SLC35F3: variants seen among roughly 807,000 people sequenced by gnomAD.
SLC35F3 encodes putative thiamine transporter SLC35F3.
Under a neutral mutation model 49.9 loss-of-function variants are expected in SLC35F3, and 25 were observed. That is an observed-to-expected ratio of 0.50 (90% CI 0.37 to 0.70). The LOEUF is 0.70. SLC35F3 is among the 30% of genes least tolerant of loss of function. The pLI is 0.00. For missense variants in SLC35F3, 525 were observed against 639.8 expected (o/e 0.82, Z 1.94); for synonymous variants, 275 against 265.4 (o/e 1.04, Z -0.35).
At chr1:233,949,615 C>T (rs1483998661) in intron 2 of SLC35F3, among the ~76,000 whole-genome samples, 1 of 152,136 alleles carries the variant, frequency 6.6e-6, no homozygotes, top group Non-Finnish European at 1.5e-5. Flanking sequence ...GTTTACAGAG[C>T]ACTTGAGAAG....
intron 2 of SLC35F3, among the ~76,000 whole-genome samples, chr1:233,946,224 A>G (rs545875205): frequency 6.6e-6 from 1 of 152,360 alleles, no homozygotes; most frequent in East Asian, 1.9e-4. Flanking sequence ...CTTGAAGGGC[A>G]CTGAAGATGC....
chr1:234,055,426 A>C (rs1317119048), intron 2 of SLC35F3, among the ~76,000 whole-genome samples: 1 of 152,202 alleles, frequency 6.6e-6, no homozygotes, highest in Non-Finnish European at 1.5e-5. Flanking sequence ...AGCAGTGAGC[A>C]AGGCTCCATG....
chr1:234,079,667 T>C (rs1664845883), intron 2 of SLC35F3, among the ~76,000 whole-genome samples: 1 of 152,200 alleles, frequency 6.6e-6, no homozygotes, highest in Admixed American at 6.5e-5. Context: ...ACATCATTCA[T>C]TATTAGGGAA....
At chr1:234,088,491 A>C (rs565011931) in intron 2 of SLC35F3, among the ~76,000 whole-genome samples, 1 of 152,346 alleles carries the variant, frequency 6.6e-6, no homozygotes, top group African/African-American at 2.4e-5. Flanking sequence ...TACAGGCGTG[A>C]GCCACTGTGC....
At chr1:234,322,611 T>C (rs114436387) in intron 7 of SLC35F3, among the ~76,000 whole-genome samples, 1,944 of 151,738 alleles carry the variant, frequency 0.013, 48 homozygotes, top group African/African-American at 0.045. Flanking sequence ...TGTAAGTGGA[T>C]CCGTACAGTT....
At chr1:234,179,090 T>G (rs1385045273) in intron 2 of SLC35F3, among the ~76,000 whole-genome samples, 4 of 152,122 alleles carry the variant, frequency 2.6e-5, no homozygotes, top group Non-Finnish European at 5.9e-5. Context: ...AGGCCCCACA[T>G]TCCCTCCACT....
chr1:234,269,458 G>A (rs1668063652), intron 3 of SLC35F3, among the ~76,000 whole-genome samples: 1 of 152,088 alleles, frequency 6.6e-6, no homozygotes, highest in Non-Finnish European at 1.5e-5. Flanking sequence ...ACCTATTTTG[G>A]TCACTGTCCC....
intron 2 of SLC35F3, among the ~76,000 whole-genome samples, chr1:233,996,298 A>G (rs1663458914): frequency 6.6e-6 from 1 of 152,190 alleles, no homozygotes; most frequent in Admixed American, 6.5e-5. Flanking sequence ...ATAACAAAGT[A>G]TATAGGAGGA....
At chr1:234,084,230 C>G (rs2102874157) in intron 2 of SLC35F3, among the ~76,000 whole-genome samples, 1 of 151,960 alleles carries the variant, frequency 6.6e-6, no homozygotes, top group South Asian at 2.1e-4. Flanking sequence ...GACACACACA[C>G]ACACACACAC....
At chr1:234,134,971 C>T (rs761862014) in intron 2 of SLC35F3, among the ~76,000 whole-genome samples, 1 of 152,148 alleles carries the variant, frequency 6.6e-6, no homozygotes. Flanking sequence ...CCACCTGCCT[C>T]GGCCTCCCAA....
chr1:234,314,626 TGGC>T (rs1657441113), intron 4 of SLC35F3, among the ~76,000 whole-genome samples: 1 of 152,092 alleles, frequency 6.6e-6, no homozygotes, highest in East Asian at 1.9e-4. Flanking sequence ...CCAGGTGTGG[TGGC>T]GGGCACCTGT....
intron 2 of SLC35F3, among the ~76,000 whole-genome samples, chr1:233,925,278 G>T (rs1413418154): frequency 1.3e-5 from 2 of 152,166 alleles, no homozygotes; most frequent in African/African-American, 2.4e-5. Flanking sequence ...GAGTCTCTTT[G>T]TAGGTCTCTA....
At chr1:234,246,302 A>G (rs1037337616) in intron 3 of SLC35F3, among the ~76,000 whole-genome samples, 4 of 152,134 alleles carry the variant, frequency 2.6e-5, no homozygotes, top group African/African-American at 4.8e-5. Context: ...TTTACCCCCA[A>G]GCTTTTGGGT....
intron 2 of SLC35F3, among the ~76,000 whole-genome samples, chr1:234,182,001 A>G (rs969946804): frequency 6.6e-6 from 1 of 152,216 alleles, no homozygotes; most frequent in African/African-American, 2.4e-5. Flanking sequence ...CCTCTCATCA[A>G]TGATTTGATT....
At chr1:234,171,126 T>C (rs568660327) in intron 2 of SLC35F3, among the ~76,000 whole-genome samples, 3 of 152,162 alleles carry the variant, frequency 2.0e-5, no homozygotes, top group Non-Finnish European at 4.4e-5. Flanking sequence ...CCTGAGAACT[T>C]GTTAGAAAGG....
intron 2 of SLC35F3, among the ~76,000 whole-genome samples, chr1:234,053,030 C>A (rs1411111714): frequency 6.6e-6 from 1 of 152,198 alleles, no homozygotes; most frequent in Non-Finnish European, 1.5e-5. Context: ...TGTTCTTTTA[C>A]ATTTGCTGAG....
intron 2 of SLC35F3, among the ~76,000 whole-genome samples, chr1:233,923,013 G>A (rs1014778396): frequency 7.9e-5 from 12 of 152,294 alleles, no homozygotes; most frequent in East Asian, 1.9e-4. Context: ...CTATATCCGC[G>A]TTTTGGTACC....
In SLC35F3 at chr1:233,905,027, G is replaced by A; in HGVS notation, c.-51G>A. On this transcript the variant is annotated 5_prime_UTR_variant, in exon 1 of 8. Coordinates refer to ENST00000366618, the MANE Select transcript of SLC35F3 (RefSeq NM_173508.4). ...GCGGCTGCAGGGAGCTCCGGCCCGC[G>A]GCCCCTCCGCCTCAAGTCTGGGAGC... The A allele has an allele frequency of 3.3e-6, 5 of 1,537,828 alleles. No individual in the cohort carries two copies. Among genetic ancestry groups the A allele is most frequent in the Non-Finnish European group, 4.4e-6 (5 of 1,138,092 alleles).
At chr1:234,238,125 T>A (rs1402334147) in intron 3 of SLC35F3, among the ~76,000 whole-genome samples, 1 of 152,214 alleles carries the variant, frequency 6.6e-6, no homozygotes, top group African/African-American at 2.4e-5. Context: ...TTAGAAAAAA[T>A]TGACAAAATA....
Sources: allele counts gnomAD v4.1 joint callset (sites outside exome capture counted in the v4.1 genomes callset), GRCh38; gene constraint gnomAD v4.1.1; transcripts MANE v1.5; gene names NCBI Gene and HGNC (gene_info 2026-07-23, HGNC 2026-07-21).